Variants in SLC10A1 observed in about 807,000 individuals in gnomAD.
SLC10A1 encodes hepatic sodium/bile acid cotransporter.
In SLC10A1, 36 loss-of-function variants were observed where a neutral mutation model predicts 20.5. The ratio of observed to expected loss-of-function variants is 1.75; its 90% CI spans 1.34 to 2.32. The LOEUF (loss-of-function observed/expected upper bound fraction) is 2.32. Among genes scored for constraint, SLC10A1 ranks in the 30% most tolerant of loss-of-function variants. The pLI is 0.00. For synonymous variants in SLC10A1, 188 were observed against 163.6 expected (o/e 1.15, Z -1.14); for missense variants, 545 against 439.1 (o/e 1.24, Z -2.16).
chr14:69,780,707 G>C (rs907723213), intron 2 of SLC10A1, among the ~76,000 whole-genome samples: 2 of 152,174 alleles, frequency 1.3e-5, no homozygotes, highest in African/African-American at 4.8e-5. Flanking sequence ...TCCTATCCCA[G>C]CATAGGAAGG....
chr14:69,781,622 T>C (rs1883594191), intron 2 of SLC10A1, among the ~76,000 whole-genome samples: 1 of 152,122 alleles, frequency 6.6e-6, no homozygotes, highest in South Asian at 2.1e-4. Flanking sequence ...GCAGCAGGTG[T>C]GGGAAATGCA....
chr14:69,785,419 A>C (rs527246203), intron 2 of SLC10A1, among the ~76,000 whole-genome samples: 6 of 152,216 alleles, frequency 3.9e-5, no homozygotes, highest in African/African-American at 1.2e-4. Context: ...GCTGAACTCT[A>C]TTCAGGCTTC....
chr14:69,785,366 C>G (rs942841162), intron 2 of SLC10A1, among the ~76,000 whole-genome samples: 1 of 152,180 alleles, frequency 6.6e-6, no homozygotes, highest in African/African-American at 2.4e-5. Context: ...TACCTGTCTC[C>G]TCTAGCTTCT....
intron 2 of SLC10A1, among the ~76,000 whole-genome samples, chr14:69,780,333 A>G (rs1338448487): frequency 2.6e-5 from 4 of 152,224 alleles, no homozygotes; most frequent in Non-Finnish European, 5.9e-5. Context: ...AATGATAAAC[A>G]GGTATGTGTA....
intron 2 of SLC10A1, among the ~76,000 whole-genome samples, chr14:69,780,659 A>G (rs1177822005): frequency 6.6e-6 from 1 of 152,220 alleles, no homozygotes; most frequent in Non-Finnish European, 1.5e-5. Context: ...GTTGCAACTG[A>G]TATGATCATA....
intron 2 of SLC10A1, among the ~76,000 whole-genome samples, chr14:69,784,520 CAGAGAG>C (rs3837667): frequency 1.3e-5 from 2 of 151,674 alleles, no homozygotes; most frequent in South Asian, 4.2e-4. Context: ...AAGCGATTGA[CAGAGAG>C]AGAGAGGAGT....
chr14:69,786,089 G>C lies in SLC10A1; in HGVS notation c.567+8C>G. 6.2e-7 allele frequency: 1 copy of C among 1,612,610 alleles called. No homozygotes were observed. Among genetic ancestry groups the C allele is most frequent in the South Asian group, 1.1e-5 (1 of 91,054 alleles). ...TGCCCTAATTTGTCAAGCCTCCCAG[G>C]TTCTTACCTTGATGACATAGCGCAT... On this transcript the variant is annotated splice_region_variant and intron_variant, in intron 2 of 4. Coordinates refer to ENST00000216540, the MANE Select transcript of SLC10A1 (RefSeq NM_003049.4).
chr14:69,788,547 CTTT>C (rs773705243), intron 1 of SLC10A1, among the ~76,000 whole-genome samples: 4,853 of 142,088 alleles, frequency 0.034, 241 homozygotes, highest in African/African-American at 0.12. Context: ...ATGAAGAACT[CTTT>C]TTTTTTTTTT....
At position 69,776,038 on chromosome 14, in the gene SLC10A1, T is replaced by TA. The variant is rs1168614143; in HGVS notation, c.*243dup. ...GAGGCAGATTCGGTTTCTGGTTTCA[T>TA]AGAGTTTACAGTCACTGAACAAGTC... is the stretch of plus-strand genomic sequence containing the variant. On this transcript the variant is annotated 3_prime_UTR_variant, in exon 5 of 5. Coordinates refer to ENST00000216540, the MANE Select transcript of SLC10A1 (RefSeq NM_003049.4). The TA allele has an allele frequency of 1.7e-5, 8 of 480,036 alleles. No homozygotes were observed. The East Asian group carries it at 1.8e-4, about 11-fold the overall frequency. 29.7% of individuals were successfully genotyped at this position (480,036 alleles called of 1,614,324 possible). A position where few individuals can be genotyped will look rare whatever the true frequency, so the allele number is the denominator to read the frequency against.
intron 1 of SLC10A1, among the ~76,000 whole-genome samples, chr14:69,795,093 A>G (rs968339315): frequency 6.6e-6 from 1 of 152,010 alleles, no homozygotes; most frequent in Non-Finnish European, 1.5e-5. Context: ...ATTCAGATAT[A>G]CTCTAGGATT....
At chr14:69,787,202 A>G (rs1456904191) in intron 1 of SLC10A1, among the ~76,000 whole-genome samples, 1 of 149,466 alleles carries the variant, frequency 6.7e-6, no homozygotes, top group Non-Finnish European at 1.5e-5. Flanking sequence ...TATGACACTC[A>G]GAGCCTGAAT....
chr14:69,781,672 TTA>T (rs1883595308), intron 2 of SLC10A1, among the ~76,000 whole-genome samples: 1 of 152,204 alleles, frequency 6.6e-6, no homozygotes, highest in Non-Finnish European at 1.5e-5. Context: ...GGGATCCTTA[TTA>T]AAGAGTGGTG....
intron 1 of SLC10A1, among the ~76,000 whole-genome samples, chr14:69,790,925 G>C (rs1367060481): frequency 1.3e-5 from 2 of 152,070 alleles, no homozygotes; most frequent in African/African-American, 4.8e-5. Context: ...GAAAATGTAT[G>C]AGGTTCTAAA....
chr14:69,780,583 G>A (rs1326187474), intron 2 of SLC10A1, among the ~76,000 whole-genome samples: 1 of 152,144 alleles, frequency 6.6e-6, no homozygotes. Flanking sequence ...ATGTCCTAAC[G>A]ACATTTTAAC....
Position 69,776,092 on chromosome 14 carries a change from G to A in SLC10A1, c.*190C>T, listed in dbSNP as rs1481174006. On this transcript the variant is annotated 3_prime_UTR_variant, in exon 5 of 5. Transcript: ENST00000216540. ...AAAATAAGTAGCAAATTCTAAGTTG[G>A]GGATAGGTGAGGCTTCTTGGGTAGA... The A allele has an allele frequency of 1.8e-6, 1 of 562,712 alleles. No individual in the cohort carries two copies. The highest frequency in any genetic ancestry group is 3.2e-6 in the Non-Finnish European group (1 of 317,166). The allele number at this position is 562,712 out of a possible 1,614,324, so 34.9% of individuals were successfully genotyped here.
intron 1 of SLC10A1, among the ~76,000 whole-genome samples, chr14:69,790,454 T>C (rs562466737): frequency 7.9e-5 from 12 of 152,128 alleles, no homozygotes; most frequent in African/African-American, 2.6e-4. Context: ...TATTAGCAAA[T>C]AAGTGTTTTA....
chr14:69,779,470 G>T, intron 2 of SLC10A1, 110 bp from the exon 3 acceptor site: 1 of 760,890 alleles, frequency 1.3e-6, no homozygotes, highest in Non-Finnish European at 2.1e-6. Context: ...ATAAAACACT[G>T]GAAGTGGAAA....
chr14:69,796,667 C>A (rs963717607), intron 1 of SLC10A1, 133 bp downstream of exon 1: 8 of 748,876 alleles, frequency 1.1e-5, no homozygotes, highest in Non-Finnish European at 1.7e-5. Context: ...AAATGCCAGA[C>A]TTCCCCTGCC....
rs1481715288 is a variant in SLC10A1 at position 69,796,891 on chromosome 14, C to T, written c.265G>A (p.Glu89Lys). The change falls in exon 1 of 5, where the codon GAG becomes AAG. Residue 89 changes from glutamate to lysine, a missense_variant. By Grantham distance (56) the Glu-to-Lys change is moderately conservative (BLOSUM62 1). Coordinates refer to ENST00000216540, the MANE Select transcript of SLC10A1 (RefSeq NM_003049.4). ...LGKVFRLKNI[E>K]ALAILVCGCS... ...CCACAGACCAAGATGGCCAGTGCCT[C>T]AATGTTCTTCAGCCGGAAGACCTTG... The T allele has an allele frequency of 6.2e-7, 1 of 1,614,094 alleles. No homozygotes were observed. Among genetic ancestry groups the T allele is most frequent in the African/African-American group, 1.3e-5 (1 of 74,922 alleles).
Sources: gnomAD v4.1 joint callset for allele counts (sites outside exome capture counted in the v4.1 genomes callset) on GRCh38, gnomAD v4.1.1 for gene constraint, MANE v1.5 for transcripts, NCBI Gene and HGNC (gene_info 2026-07-23, HGNC 2026-07-21) for gene names.